The following CHRNA7 variants were observed in gnomAD, a reference collection of about 807,000 sequenced individuals.
CHRNA7 encodes cholinergic receptor nicotinic alpha 7 subunit.
CHRNA7 carries 17 observed loss-of-function variants against 48.0 expected under a neutral mutation model. The ratio of observed to expected loss-of-function variants is 0.35; its 90% CI spans 0.24 to 0.53. The LOEUF is 0.53. Among genes scored for constraint, CHRNA7 ranks in the 20% least tolerant of loss-of-function variants. The probability of loss-of-function intolerance (pLI) is 0.92; values close to 1 mark genes in which losing one functional copy is unlikely to be tolerated. For synonymous variants in CHRNA7, 75 were observed against 242.3 expected, an observed-to-expected ratio of 0.31 and a Z score of 6.41; for missense variants, 155 against 577.7, an observed-to-expected ratio of 0.27 and a Z score of 7.50.
intron 2 of CHRNA7, among the ~76,000 whole-genome samples, chr15:32,095,288 A>T (rs1008915360): frequency 6.6e-6 from 1 of 152,196 alleles, no homozygotes; most frequent in Non-Finnish European, 1.5e-5. Context: ...GCTCTCAGAC[A>T]TCCAGGCTTC....
intron 4 of CHRNA7, among the ~76,000 whole-genome samples, chr15:32,130,015 A>G (rs992475653): frequency 6.6e-6 from 1 of 151,964 alleles, no homozygotes; most frequent in Non-Finnish European, 1.5e-5. Flanking sequence ...TTTTCTTGTC[A>G]TCTTAATGCT....
chr15:32,085,399 G>T (rs2050279709), intron 2 of CHRNA7, among the ~76,000 whole-genome samples: 1 of 152,202 alleles, frequency 6.6e-6, no homozygotes, highest in African/African-American at 2.4e-5. Context: ...TTATCCTTAT[G>T]CATACAAAGA....
intron 4 of CHRNA7, among the ~76,000 whole-genome samples, chr15:32,139,664 G>T (rs2051341478): frequency 6.6e-6 from 1 of 151,208 alleles, no homozygotes; most frequent in Admixed American, 6.6e-5. Context: ...TATTGTCTTT[G>T]CTCAGGTGTC....
chr15:32,101,253 C>G (rs2050565151), intron 2 of CHRNA7, 50 bp from the exon 3 acceptor site: 2 of 1,556,950 alleles, frequency 1.3e-6, no homozygotes, highest in Non-Finnish European at 1.7e-6. Flanking sequence ...CTCATTCTTT[C>G]TTTTGTAAAC....
intron 2 of CHRNA7, among the ~76,000 whole-genome samples, chr15:32,094,901 GC>G (rs1467488454): frequency 6.6e-6 from 1 of 152,194 alleles, no homozygotes; most frequent in African/African-American, 2.4e-5. Context: ...GCCTGCCTCG[GC>G]CTCCCAAAGT....
intron 2 of CHRNA7, among the ~76,000 whole-genome samples, chr15:32,064,577 G>A (rs529719900): frequency 6.6e-6 from 1 of 152,056 alleles, no homozygotes; most frequent in East Asian, 1.9e-4. Flanking sequence ...TTGGAGAAGT[G>A]GGCTTCATCA....
At chr15:32,145,296 C>T (rs2051464824) in intron 4 of CHRNA7, among the ~76,000 whole-genome samples, 1 of 152,170 alleles carries the variant, frequency 6.6e-6, no homozygotes, top group African/African-American at 2.4e-5. Context: ...GAAGCTTTGT[C>T]CCAGAGGAGC....
At chr15:32,038,056 G>GTATATATA (rs71424637) in intron 2 of CHRNA7, among the ~76,000 whole-genome samples, 8,764 of 144,050 alleles carry the variant, frequency 0.061, 328 homozygotes, top group Middle Eastern at 0.1. Flanking sequence ...TTTTGGATAT[G>GTATATATA]TATATATATA....
chr15:32,046,935 C>T (rs2049560615), intron 2 of CHRNA7, among the ~76,000 whole-genome samples: 2 of 151,270 alleles, frequency 1.3e-5, no homozygotes, highest in South Asian at 2.1e-4. Context: ...GAATCCTTTC[C>T]CCATTGCTTG....
chr15:32,146,654 C>T (rs1035584408), intron 4 of CHRNA7, among the ~76,000 whole-genome samples: 5 of 152,028 alleles, frequency 3.3e-5, no homozygotes, highest in African/African-American at 1.2e-4. Context: ...GTGTTGAGTA[C>T]CAAAAAATAA....
chr15:32,096,885 G>A (rs561200864), intron 2 of CHRNA7, among the ~76,000 whole-genome samples: 7 of 152,204 alleles, frequency 4.6e-5, no homozygotes, highest in South Asian at 2.1e-4. Context: ...GGAGTTAGGC[G>A]CGTTGACTCG....
intron 2 of CHRNA7, among the ~76,000 whole-genome samples, chr15:32,043,301 G>A (rs907387379): frequency 4.6e-5 from 7 of 151,998 alleles, no homozygotes; most frequent in African/African-American, 1.4e-4. Context: ...ACACATAGTT[G>A]GGTTTTTAAA....
intron 4 of CHRNA7, among the ~76,000 whole-genome samples, chr15:32,136,625 G>C (rs2051263164): frequency 6.6e-6 from 1 of 152,170 alleles, no homozygotes; most frequent in Admixed American, 6.5e-5. Flanking sequence ...GGAGACGTCA[G>C]CTTTAAGTGA....
intron 3 of CHRNA7, among the ~76,000 whole-genome samples, chr15:32,104,323 G>A (rs781655143): frequency 1.3e-5 from 2 of 151,822 alleles, no homozygotes; most frequent in East Asian, 1.9e-4. Flanking sequence ...AGGAAGACTC[G>A]TCCCTAAGAA....
chr15:32,134,728 A>T (rs1490502806), intron 4 of CHRNA7, among the ~76,000 whole-genome samples: 1 of 152,220 alleles, frequency 6.6e-6, no homozygotes, highest in African/African-American at 2.4e-5. Context: ...AAATAATTAC[A>T]CTCAAGTAAG....
chr15:32,086,571 C>T (rs528320786), intron 2 of CHRNA7, among the ~76,000 whole-genome samples: 10 of 152,178 alleles, frequency 6.6e-5, no homozygotes, highest in South Asian at 4.1e-4. Context: ...AACTGAGGTC[C>T]GTACTTTATT....
At chr15:32,131,076 G>A (rs1021323793) in intron 4 of CHRNA7, among the ~76,000 whole-genome samples, 53 of 151,334 alleles carry the variant, frequency 3.5e-4, no homozygotes, top group African/African-American at 1.2e-3. Context: ...TCCCCCTTAC[G>A]GATCATTTTT....
chr15:32,050,075 A>C (rs147009267), intron 2 of CHRNA7, among the ~76,000 whole-genome samples: 8,454 of 152,116 alleles, frequency 0.056, 306 homozygotes, highest in East Asian at 0.13. Context: ...GGCTGCCCTT[A>C]ACGTTTTTTC....
chr15:32,143,278 C>T (rs2051419669), intron 4 of CHRNA7, among the ~76,000 whole-genome samples: 2 of 152,182 alleles, frequency 1.3e-5, no homozygotes, highest in African/African-American at 4.8e-5. Flanking sequence ...GCACTGTGGT[C>T]TGAGAGACAG....
Sources: gnomAD v4.1 joint callset for allele counts (sites outside exome capture counted in the v4.1 genomes callset) on GRCh38, gnomAD v4.1.1 for gene constraint, MANE v1.5 for transcripts, NCBI Gene and HGNC (gene_info 2026-07-23, HGNC 2026-07-21) for gene names.